The following CCT6B variants were observed in gnomAD, a reference collection of about 807,000 sequenced individuals.
CCT6B encodes the protein chaperonin containing TCP1 subunit 6B, also known as probable T-complex protein 1 subunit zeta-2.
Under a neutral mutation model 61.5 loss-of-function variants are expected in CCT6B, and 49 were observed. That is an observed-to-expected ratio of 0.80 (90% CI 0.63 to 1.01). The LOEUF (loss-of-function observed/expected upper bound fraction) is 1.01, where lower values mean the gene tolerates loss of function less well. CCT6B is among the 50% of genes least tolerant of loss of function. CCT6B has a pLI of 0.00. For synonymous variants in CCT6B, 228 were observed against 214.5 expected (o/e 1.06, Z -0.55); for missense variants, 666 against 634.7 (o/e 1.05, Z -0.53).
At chr17:34,952,307 C>T (rs528208957) in intron 4 of CCT6B, among the ~76,000 whole-genome samples, 17 of 152,234 alleles carry the variant, frequency 1.1e-4, no homozygotes, top group South Asian at 8.3e-4. Context: ...GAGATAAGAC[C>T]TTAAGAAGTC....
At chr17:34,951,518 A>C (rs962035364) in intron 5 of CCT6B, among the ~76,000 whole-genome samples, 1 of 152,226 alleles carries the variant, frequency 6.6e-6, no homozygotes, top group African/African-American at 2.4e-5. Flanking sequence ...GGTACTCCAT[A>C]ATCTGGTCCC....
chr17:34,958,361 T>G (rs539063092), intron 3 of CCT6B, among the ~76,000 whole-genome samples, 199 bp downstream of exon 3: 52 of 152,142 alleles, frequency 3.4e-4, no homozygotes, highest in Non-Finnish European at 7.2e-4. Flanking sequence ...GGAGAATTGA[T>G]TGAACCTGGG....
At chr17:34,952,561 T>G (rs1055008075) in intron 4 of CCT6B, among the ~76,000 whole-genome samples, 2 of 152,206 alleles carry the variant, frequency 1.3e-5, no homozygotes, top group Admixed American at 1.3e-4. Flanking sequence ...CATCCCATAA[T>G]ATGTTTATCT....
In CCT6B at chr17:34,942,789, C is replaced by T; in HGVS notation, c.725+7G>A. ...TTCAAAAGTTATAAAGAGAAAGTAA[C>T]ACGCACGTTTTTTCATATTCCAGTG... On this transcript the variant is annotated splice_region_variant and intron_variant, in intron 6 of 13. Coordinates refer to ENST00000314144, the MANE Select transcript of CCT6B (RefSeq NM_006584.4). The T allele has an allele frequency of 6.4e-7, 1 of 1,569,556 alleles. No homozygotes were observed. Among genetic ancestry groups the T allele is most frequent in the South Asian group, 1.1e-5 (1 of 86,970 alleles).
intron 1 of CCT6B, 63 bp from the exon 2 acceptor site, chr17:34,959,713 C>G: frequency 3.5e-6 from 4 of 1,157,230 alleles, no homozygotes; most frequent in Non-Finnish European, 5.2e-6. Context: ...GCTTGCCACT[C>G]CATTATCCTT....
rs146039907 is a variant in CCT6B at position 34,940,588 on chromosome 17, T to G, written c.919A>C (p.Lys307Gln). The part of the protein sequence containing the change: ...IDPFSLDSLA[K>Q]HGIVALRRAK... ...CTGCGAAGAGCTACTATTCCATGTT[T>G]TGCAAGAGAATCTAAGGAAAATGGA... The change falls in exon 8 of 14, where the codon AAA becomes CAA. Residue 307 changes from lysine (K) to glutamine (Q), a missense_variant. Physicochemically the swap from Lys to Gln is moderately conservative, Grantham distance 53 (BLOSUM62 1). Coordinates refer to ENST00000314144, the MANE Select transcript of CCT6B (RefSeq NM_006584.4). 5.7e-6 allele frequency: 9 copies of G among 1,577,492 alleles called. No individual in the cohort carries two copies. The African/African-American group carries it at 1.2e-4, about 21-fold the overall frequency.
chr17:34,951,211 T>C (rs2090288042), intron 5 of CCT6B, among the ~76,000 whole-genome samples: 2 of 152,176 alleles, frequency 1.3e-5, no homozygotes, highest in South Asian at 2.1e-4. Context: ...GGAAATGTGA[T>C]AGTATTAATG....
intron 3 of CCT6B, among the ~76,000 whole-genome samples, chr17:34,957,335 G>A (rs938574448): frequency 6.6e-5 from 10 of 151,664 alleles, no homozygotes; most frequent in Middle Eastern, 6.8e-3. Context: ...GCAGAGACAG[G>A]GTTTCTCCAC....
At chr17:34,947,244 T>C (rs1346327544) in intron 5 of CCT6B, among the ~76,000 whole-genome samples, 1 of 152,074 alleles carries the variant, frequency 6.6e-6, no homozygotes, top group Non-Finnish European at 1.5e-5. Flanking sequence ...AAAAGAAATG[T>C]TTAAACAGAT....
intron 7 of CCT6B, among the ~76,000 whole-genome samples, chr17:34,941,942 G>A (rs1367509533): frequency 1.3e-5 from 2 of 152,014 alleles, no homozygotes; most frequent in African/African-American, 2.4e-5. Flanking sequence ...GGAAGCTGAG[G>A]TGGAAAGATC....
chr17:34,939,687 G>A lies in CCT6B; in HGVS notation c.995C>T (p.Ala332Val), dbSNP rs745994104. The change falls in exon 9 of 14, where the codon GCC becomes GTC. Residue 332 changes from alanine (A) to valine (V), a missense_variant. Physicochemically the swap from Ala to Val is moderately conservative, Grantham distance 64. Transcript: ENST00000314144. ...AGTGAGATCTTCAAAAGAATTCACG[G>A]CCATTCCACCACAAGCAAGAGAGAG... is the stretch of plus-strand genomic sequence containing the variant. ...ERLSLACGGM[A>V]VNSFEDLTVD... 3 of 1,612,814 alleles carry A rather than the reference G, an allele frequency of 1.9e-6. No individual in the cohort carries two copies. The African/African-American group carries it at 4.0e-5, about 22-fold the overall frequency.
chr17:34,928,222 A>T, intron 13 of CCT6B, 105 bp from the exon 14 acceptor site: 1 of 617,224 alleles, frequency 1.6e-6, no homozygotes, highest in South Asian at 2.4e-5. Context: ...TAATGATGTT[A>T]GTATGATGTT....
intron 12 of CCT6B, 135 bp downstream of exon 12, chr17:34,930,814 A>G: frequency 2.6e-6 from 1 of 389,622 alleles, no homozygotes; most frequent in Non-Finnish European, 4.7e-6. Context: ...ATTTTTTAAG[A>G]AGCTCAAAAA....
chr17:34,957,590 G>T (rs907796614), intron 3 of CCT6B, among the ~76,000 whole-genome samples: 1 of 152,130 alleles, frequency 6.6e-6, no homozygotes, highest in Admixed American at 6.5e-5. Flanking sequence ...TCTATTATGG[G>T]AGATAATCAT....
At chr17:34,956,853 A>G (rs974915275) in intron 3 of CCT6B, among the ~76,000 whole-genome samples, 1 of 152,052 alleles carries the variant, frequency 6.6e-6, no homozygotes, top group Non-Finnish European at 1.5e-5. Context: ...TCTGTCACCC[A>G]GGCTGGAGTA....
intron 1 of CCT6B, 51 bp downstream of exon 1, chr17:34,961,206 G>T: frequency 6.4e-7 from 1 of 1,556,486 alleles, no homozygotes. Flanking sequence ...AGGGCGACAG[G>T]ACACCAACGG....
At position 34,954,686 on chromosome 17, in the gene CCT6B, A is replaced by C; in HGVS notation, c.337-87T>G. The C allele has an allele frequency of 5.5e-6, 6 of 1,083,560 alleles. No homozygotes were observed. In the South Asian group the frequency reaches 9.3e-5, roughly 17 times the overall value. The allele number at this position is 1,083,560 out of a possible 1,614,324, so 67.1% of individuals were successfully genotyped here. A position where few individuals can be genotyped will look rare whatever the true frequency, so the allele number is the denominator to read the frequency against. ...CCTGTCTGATTATTATGTTCAAAAA[A>C]AGTTACTCACATTAATGCCATGAAA... On this transcript the variant is annotated intron_variant, in intron 3 of 13. Coordinates refer to ENST00000314144, the MANE Select transcript of CCT6B (RefSeq NM_006584.4).
At chr17:34,956,513 C>T (rs149122396) in intron 3 of CCT6B, among the ~76,000 whole-genome samples, 1 of 152,234 alleles carries the variant, frequency 6.6e-6, no homozygotes, top group African/African-American at 2.4e-5. Context: ...CTGTTAGCAT[C>T]TCACCCTTGC....
intron 3 of CCT6B, among the ~76,000 whole-genome samples, chr17:34,955,612 G>A (rs1366667287): frequency 1.3e-5 from 2 of 152,130 alleles, no homozygotes; most frequent in Non-Finnish European, 2.9e-5. Flanking sequence ...TATTTTAATA[G>A]TATTTTTTGT....
Sources: gnomAD v4.1 joint callset for allele counts (sites outside exome capture counted in the v4.1 genomes callset) on GRCh38, gnomAD v4.1.1 for gene constraint, MANE v1.5 for transcripts, NCBI Gene and HGNC (gene_info 2026-07-23, HGNC 2026-07-21) for gene names.